The following PKNOX2 variants were observed in gnomAD, a reference collection of about 807,000 sequenced individuals.
PKNOX2 encodes homeobox protein PKNOX2.
PKNOX2 carries 14 observed loss-of-function variants against 53.1 expected under a neutral mutation model. The ratio of observed to expected loss-of-function variants is 0.26; its 90% CI spans 0.17 to 0.41. The LOEUF is 0.41. Ranked by LOEUF, PKNOX2 falls within the 10% of genes least tolerant of loss-of-function variation. PKNOX2 has a pLI of 1.00. For synonymous variants in PKNOX2, 257 were observed against 242.8 expected (o/e 1.06, Z -0.54); for missense variants, 496 against 602.8 (o/e 0.82, Z 1.85).
intron 2 of PKNOX2, among the ~76,000 whole-genome samples, chr11:125,324,954 A>G (rs1429941962): frequency 6.6e-6 from 1 of 152,140 alleles, no homozygotes; most frequent in Admixed American, 6.5e-5. Flanking sequence ...TGAGTTTTGT[A>G]AGGAAAGTAG....
At chr11:125,308,782 A>G (rs1948619090) in intron 2 of PKNOX2, among the ~76,000 whole-genome samples, 1 of 152,106 alleles carries the variant, frequency 6.6e-6, no homozygotes, top group African/African-American at 2.4e-5. Context: ...GTTGGTTCTC[A>G]CTAGTAGGAC....
At chr11:125,348,581 C>T (rs1951120928) in intron 3 of PKNOX2, among the ~76,000 whole-genome samples, 1 of 152,246 alleles carries the variant, frequency 6.6e-6, no homozygotes. Context: ...AGTCTCCTCT[C>T]AGCCTCATGG....
intron 2 of PKNOX2, among the ~76,000 whole-genome samples, chr11:125,245,865 G>A (rs1943524123): frequency 1.3e-5 from 2 of 152,230 alleles, no homozygotes; most frequent in Admixed American, 6.5e-5. Flanking sequence ...CAACTACTGG[G>A]AGGGAAGTGA....
chr11:125,204,472 G>A (rs1426392940), intron 1 of PKNOX2, among the ~76,000 whole-genome samples: 2 of 152,110 alleles, frequency 1.3e-5, no homozygotes, highest in Admixed American at 6.5e-5. Flanking sequence ...TGCTGTGCTC[G>A]CTCAGTAAAA....
intron 11 of PKNOX2, among the ~76,000 whole-genome samples, chr11:125,429,691 C>T (rs1184457872): frequency 6.6e-6 from 1 of 152,178 alleles, no homozygotes; most frequent in Non-Finnish European, 1.5e-5. Flanking sequence ...GACTACCATG[C>T]TCTCCTCCTC....
intron 1 of PKNOX2, among the ~76,000 whole-genome samples, chr11:125,204,830 C>T (rs765950900): frequency 3.9e-5 from 6 of 152,194 alleles, no homozygotes; most frequent in Non-Finnish European, 5.9e-5. Flanking sequence ...TTACCCTGCT[C>T]TGAGCTCCTG....
intron 1 of PKNOX2, among the ~76,000 whole-genome samples, chr11:125,228,490 C>T (rs963485736): frequency 6.6e-6 from 1 of 152,162 alleles, no homozygotes; most frequent in Non-Finnish European, 1.5e-5. Flanking sequence ...CCCACCACAC[C>T]TGATGGCTCT....
chr11:125,221,514 G>A (rs943458716), intron 1 of PKNOX2, among the ~76,000 whole-genome samples: 1 of 152,184 alleles, frequency 6.6e-6, no homozygotes, highest in Non-Finnish European at 1.5e-5. Flanking sequence ...GCTAACCGCA[G>A]CCACGCCGTT....
At chr11:125,261,167 A>G (rs1475933461) in intron 2 of PKNOX2, among the ~76,000 whole-genome samples, 2 of 152,066 alleles carry the variant, frequency 1.3e-5, no homozygotes, top group African/African-American at 4.8e-5. Flanking sequence ...GTTATAGCCT[A>G]TTTCTTGTCT....
intron 2 of PKNOX2, among the ~76,000 whole-genome samples, chr11:125,306,132 A>G (rs1360177417): frequency 1.3e-5 from 2 of 151,970 alleles, no homozygotes; most frequent in Non-Finnish European, 2.9e-5. Context: ...CCATTCACCA[A>G]GTCTCTCACA....
intron 1 of PKNOX2, among the ~76,000 whole-genome samples, chr11:125,230,563 G>A (rs1214461934): frequency 6.6e-6 from 1 of 152,180 alleles, no homozygotes; most frequent in Non-Finnish European, 1.5e-5. Flanking sequence ...GGCCTACAGA[G>A]GGCTTTGCAG....
intron 3 of PKNOX2, among the ~76,000 whole-genome samples, chr11:125,336,253 G>T (rs769955331): frequency 1.3e-5 from 2 of 152,096 alleles, no homozygotes; most frequent in Non-Finnish European, 2.9e-5. Flanking sequence ...CAAGGCTCAT[G>T]ATCCAAAGTC....
intron 5 of PKNOX2, among the ~76,000 whole-genome samples, chr11:125,380,566 A>T (rs1027985383): frequency 6.6e-6 from 1 of 152,150 alleles, no homozygotes; most frequent in Admixed American, 6.5e-5. Flanking sequence ...TCGGCACTGG[A>T]CACCAAGTGT....
rs1401975590 is a variant in PKNOX2, at chr11:125,432,876, GGGGACCCCTT to G, written c.*1488_*1497del. The G allele has an allele frequency of 2.0e-5, 3 of 152,648 alleles. No homozygotes were observed. The highest frequency in any genetic ancestry group is 7.2e-5 in the African/African-American group (3 of 41,458). The allele number at this position is 152,648 out of a possible 1,614,324, so 9.5% of individuals were successfully genotyped here. A position where few individuals can be genotyped will look rare whatever the true frequency, so the allele number is the denominator to read the frequency against. ...TGAGTGGCTACCTGGCTCAACTGGA[GGGGACCCCTT>G]GGGCCCTCTGGGGCTTCCCCTCCCC... On this transcript the variant is annotated 3_prime_UTR_variant, in exon 13 of 13. Transcript: ENST00000298282.
chr11:125,236,160 C>T (rs1489265155), intron 2 of PKNOX2, among the ~76,000 whole-genome samples: 7 of 152,238 alleles, frequency 4.6e-5, no homozygotes, highest in Admixed American at 3.3e-4. Flanking sequence ...GCCCTGCGAT[C>T]GGCTAACATC....
At chr11:125,331,414 T>C (rs1442643916) in intron 2 of PKNOX2, among the ~76,000 whole-genome samples, 1 of 144,524 alleles carries the variant, frequency 6.9e-6, no homozygotes, top group Non-Finnish European at 1.5e-5. Context: ...TCCACACTCC[T>C]GGCAAATCTA....
chr11:125,194,432 G>A (rs1273882803), intron 1 of PKNOX2, among the ~76,000 whole-genome samples: 1 of 152,190 alleles, frequency 6.6e-6, no homozygotes, highest in African/African-American at 2.4e-5. Flanking sequence ...GGGATTCACA[G>A]GCAAGGAGGT....
chr11:125,205,758 G>T (rs569584261), intron 1 of PKNOX2, among the ~76,000 whole-genome samples: 2 of 151,966 alleles, frequency 1.3e-5, no homozygotes, highest in South Asian at 4.2e-4. Flanking sequence ...ACATTTATTG[G>T]GCACTTAAAA....
chr11:125,226,776 C>CT (rs1204087363), intron 1 of PKNOX2, among the ~76,000 whole-genome samples: 3,760 of 145,292 alleles, frequency 0.026, 147 homozygotes, highest in African/African-American at 0.086. Flanking sequence ...TTTTTTTTTC[C>CT]TTTTTTTTTT....
Sources: allele counts gnomAD v4.1 joint callset (sites outside exome capture counted in the v4.1 genomes callset), GRCh38; gene constraint gnomAD v4.1.1; transcripts MANE v1.5; gene names NCBI Gene and HGNC (gene_info 2026-07-23, HGNC 2026-07-21).